STARD13: variants seen among roughly 807,000 people sequenced by gnomAD.
STARD13 encodes the protein stAR-related lipid transfer protein 13.
A neutral mutation model predicts 106.4 loss-of-function variants in STARD13; 62 were observed. The observed-to-expected ratio is 0.58, with a 90% CI of 0.48 to 0.72. The LOEUF is 0.72. Among genes scored for constraint, STARD13 ranks in the 30% least tolerant of loss-of-function variants. The pLI is 0.00. For synonymous variants in STARD13, 565 were observed against 553.0 expected, an observed-to-expected ratio of 1.02 and a Z score of -0.31; for missense variants, 1,387 against 1,424.0, an observed-to-expected ratio of 0.97 and a Z score of 0.42.
intron 1 of STARD13, among the ~76,000 whole-genome samples, chr13:33,212,504 T>C (rs1365707264): frequency 6.6e-6 from 1 of 152,178 alleles, no homozygotes; most frequent in African/African-American, 2.4e-5. Flanking sequence ...AGAGCCTACA[T>C]GAGCAGCAAC....
chr13:33,299,885 T>G (rs1317421910), intron 1 of STARD13, among the ~76,000 whole-genome samples: 2 of 152,230 alleles, frequency 1.3e-5, no homozygotes, highest in African/African-American at 2.4e-5. Flanking sequence ...TTGAAAGTTA[T>G]TAACCTGTGA....
At chr13:33,475,349 A>G in the STARD13 span, among the ~76,000 whole-genome samples, 1 of 152,156 alleles carries the variant, frequency 6.6e-6, no homozygotes, top group Non-Finnish European at 1.5e-5. Flanking sequence ...ACTTATATAT[A>G]TTTATATTAA....
the STARD13 span, among the ~76,000 whole-genome samples, chr13:33,641,689 C>T: frequency 1.3e-5 from 2 of 152,144 alleles, no homozygotes; most frequent in African/African-American, 4.8e-5. Flanking sequence ...CTCCTGGAAC[C>T]GTGCTGTATG....
chr13:33,456,122 T>C, the STARD13 span, among the ~76,000 whole-genome samples: 1 of 152,220 alleles, frequency 6.6e-6, no homozygotes, highest in Non-Finnish European at 1.5e-5. Flanking sequence ...GCTATATATG[T>C]ATCAGTGTGC....
At chr13:33,392,499 A>C in the STARD13 span, among the ~76,000 whole-genome samples, 3 of 152,120 alleles carry the variant, frequency 2.0e-5, no homozygotes, top group African/African-American at 7.3e-5. Flanking sequence ...TCCTGGATTC[A>C]AGTGATTCTA....
chr13:33,577,772 CAT>C, the STARD13 span, among the ~76,000 whole-genome samples: 3 of 152,054 alleles, frequency 2.0e-5, no homozygotes, highest in Admixed American at 6.6e-5. Flanking sequence ...TAGAAAATAA[CAT>C]AGGATAAAAC....
the STARD13 span, among the ~76,000 whole-genome samples, chr13:33,532,559 T>C: frequency 6.6e-6 from 1 of 152,222 alleles, no homozygotes; most frequent in Non-Finnish European, 1.5e-5. Context: ...ATGGCTGTGC[T>C]TGTAAGAAAT....
At chr13:33,126,439 T>A (rs1445807268) in intron 6 of STARD13, among the ~76,000 whole-genome samples, 199 bp from the exon 7 acceptor site, 1 of 152,220 alleles carries the variant, frequency 6.6e-6, no homozygotes, top group Non-Finnish European at 1.5e-5. Flanking sequence ...CTCTAGCTAC[T>A]AAACAGCATG....
the STARD13 span, among the ~76,000 whole-genome samples, chr13:33,636,241 C>T: frequency 0.21 from 32,142 of 151,410 alleles, 7,444 homozygotes; most frequent in African/African-American, 0.56. Flanking sequence ...AGACTGATTG[C>T]GATGATTTTT....
chr13:33,163,528 T>C (rs955312816), intron 3 of STARD13, among the ~76,000 whole-genome samples: 1 of 146,504 alleles, frequency 6.8e-6, no homozygotes, highest in African/African-American at 2.5e-5. Context: ...AGGTAAAGCT[T>C]GCAGTGAACT....
the STARD13 span, among the ~76,000 whole-genome samples, chr13:33,560,602 T>A: frequency 2.6e-5 from 4 of 151,402 alleles, no homozygotes; most frequent in South Asian, 8.3e-4. Flanking sequence ...TTTGAATGGG[T>A]TTTGGCAGCA....
chr13:33,463,919 G>A, the STARD13 span, among the ~76,000 whole-genome samples: 12 of 151,802 alleles, frequency 7.9e-5, no homozygotes, highest in African/African-American at 2.9e-4. Flanking sequence ...GCTGAAGCCA[G>A]AGAATTGCTT....
At chr13:33,165,215 G>A (rs1480256509) in intron 3 of STARD13, 122 bp downstream of exon 3, 2 of 763,262 alleles carry the variant, frequency 2.6e-6, no homozygotes, top group Admixed American at 2.1e-5. Context: ...CCTGCACCTG[G>A]GTCAGGCACA....
At chr13:33,187,714 G>T (rs59230963) in intron 1 of STARD13, among the ~76,000 whole-genome samples, 16,919 of 151,918 alleles carry the variant, frequency 0.11, 1,107 homozygotes, top group East Asian at 0.33. Context: ...AGATGGTCTT[G>T]ATCTGTCACC....
At chr13:33,242,158 G>A (rs562286845) in intron 1 of STARD13, among the ~76,000 whole-genome samples, 88 of 152,172 alleles carry the variant, frequency 5.8e-4, no homozygotes, top group Non-Finnish European at 7.2e-4. Context: ...CGGCCGCCCC[G>A]TCTGAGAAGT....
At chr13:33,551,101 C>T in the STARD13 span, among the ~76,000 whole-genome samples, 3 of 152,160 alleles carry the variant, frequency 2.0e-5, no homozygotes, top group Admixed American at 2.0e-4. Flanking sequence ...AACAAAACAA[C>T]ATAATGAGTA....
intron 1 of STARD13, among the ~76,000 whole-genome samples, chr13:33,194,604 G>A (rs1047300086): frequency 6.6e-6 from 1 of 152,128 alleles, no homozygotes; most frequent in African/African-American, 2.4e-5. Flanking sequence ...GATGTAATTT[G>A]TCATGTTTTT....
the STARD13 span, among the ~76,000 whole-genome samples, chr13:33,551,995 T>C: frequency 6.6e-6 from 1 of 152,094 alleles, no homozygotes; most frequent in Admixed American, 6.6e-5. Flanking sequence ...CTGCAGTGAA[T>C]ACACTAATAT....
intron 1 of STARD13, among the ~76,000 whole-genome samples, chr13:33,206,712 A>G (rs903849876): frequency 6.6e-6 from 1 of 152,228 alleles, no homozygotes; most frequent in African/African-American, 2.4e-5. Context: ...CTGTGGAACA[A>G]TCAGTCTGCT....
Sources: gnomAD v4.1 joint callset for allele counts (sites outside exome capture counted in the v4.1 genomes callset) on GRCh38, gnomAD v4.1.1 for gene constraint, MANE v1.5 for transcripts, NCBI Gene and HGNC (gene_info 2026-07-23, HGNC 2026-07-21) for gene names.